The following SYT12 variants were observed in gnomAD, a reference collection of about 807,000 sequenced individuals.
SYT12 encodes synaptotagmin 12.
A neutral mutation model predicts 39.5 loss-of-function variants in SYT12; 27 were observed. The observed-to-expected ratio is 0.68, with a 90% confidence interval of 0.50 to 0.94. The LOEUF (loss-of-function observed/expected upper bound fraction) is 0.94. Ranked by LOEUF, SYT12 falls within the 40% of genes least tolerant of loss-of-function variation. The pLI, the probability that SYT12 is intolerant of heterozygous loss-of-function variation, is 0.00. For missense variants in SYT12, 536 were observed against 572.6 expected (o/e 0.94, Z 0.65); for synonymous variants, 233 against 239.7 (o/e 0.97, Z 0.26).
upstream of SYT12, among the ~76,000 whole-genome samples, chr11:67,021,084 T>G (rs1950105112): frequency 6.6e-6 from 1 of 152,164 alleles, no homozygotes; most frequent in East Asian, 1.9e-4. Flanking sequence ...GGCACAGTCT[T>G]CCATTGTGTC....
At chr11:67,034,581 G>C (rs1950323432) in intron 2 of SYT12, 64 bp from the exon 3 acceptor site, 2 of 1,475,674 alleles carry the variant, frequency 1.4e-6, no homozygotes, top group Non-Finnish European at 1.8e-6. Flanking sequence ...AGTCGGTGCT[G>C]CTCCCCGGGT....
upstream of SYT12, among the ~76,000 whole-genome samples, chr11:67,018,396 G>A (rs1591352342): frequency 6.6e-6 from 1 of 152,082 alleles, no homozygotes; most frequent in Admixed American, 6.5e-5. Flanking sequence ...ATGGTGACAT[G>A]TGCCTGTAGT....
chr11:67,012,996 C>T (rs530888435), intron 3 of SYT12, among the ~76,000 whole-genome samples: 85 of 152,244 alleles, frequency 5.6e-4, no homozygotes, highest in Middle Eastern at 6.8e-3. Flanking sequence ...GGAATCTGCC[C>T]GTCATTCCTG....
intron 3 of SYT12, among the ~76,000 whole-genome samples, chr11:67,017,376 T>C (rs1310271763): frequency 6.6e-6 from 1 of 151,674 alleles, no homozygotes; most frequent in African/African-American, 2.4e-5. Flanking sequence ...TTTTTTTTTT[T>C]TGAGACGGAG....
chr11:67,019,198 C>T (rs893301216), upstream of SYT12, among the ~76,000 whole-genome samples: 4 of 152,068 alleles, frequency 2.6e-5, no homozygotes, highest in East Asian at 5.8e-4. Flanking sequence ...GATCGCTGGG[C>T]GTGGTGACTC....
chr11:67,029,833 C>G (rs1365574710), intron 1 of SYT12: 1 of 331,488 alleles, frequency 3.0e-6, no homozygotes, highest in African/African-American at 2.1e-5. Context: ...GCCTGGGCAA[C>G]AAAGAGAGAC....
intron 7 of SYT12, among the ~76,000 whole-genome samples, chr11:67,047,711 G>A (rs576178231): frequency 6.8e-6 from 1 of 148,136 alleles, no homozygotes; most frequent in Admixed American, 6.7e-5. Flanking sequence ...GGGAGGCTGA[G>A]GTGGGAGGAT....
chr11:67,043,787 G>A lies in SYT12; in HGVS notation c.771G>A (p.Lys257=), dbSNP rs1346668995. Residue 257 remains lysine, a synonymous_variant, in exon 5 of 8, where the codon AAG becomes AAA. Transcript: ENST00000527043. ...RNVSTGVVEL[K]LSVLDLPLQP... Reference sequence around the variant, plus strand: ...TCAGCACGGGGGTGGTGGAGCTGAAGCTTTCTGTGCTTGACCTCCCGCTGC... The same window carrying A: ...TCAGCACGGGGGTGGTGGAGCTGAAACTTTCTGTGCTTGACCTCCCGCTGC... 1.2e-6 allele frequency: 2 copies of A among 1,614,110 alleles called. No homozygotes were observed. The highest frequency in any genetic ancestry group is 3.3e-5 in the Admixed American group (2 of 60,016).
upstream of SYT12, chr11:67,022,942 C>T (rs1208444894): frequency 2.6e-5 from 4 of 152,182 alleles, no homozygotes; most frequent in African/African-American, 7.2e-5. Context: ...AAACTGAGGC[C>T]TAGAAAGAGA....
At chr11:67,041,174 T>G (rs1715209878) in intron 4 of SYT12, among the ~76,000 whole-genome samples, 1 of 151,234 alleles carries the variant, frequency 6.6e-6, no homozygotes, top group Non-Finnish European at 1.5e-5. Context: ...AGACCCTATC[T>G]CAAAAAATAA....
chr11:67,021,239 G>A (rs1950106248), upstream of SYT12, among the ~76,000 whole-genome samples: 1 of 152,042 alleles, frequency 6.6e-6, no homozygotes. Context: ...ACATGAAATT[G>A]ACAAGATCTC....
chr11:67,029,313 C>A (rs1950225395), intron 1 of SYT12: 1 of 152,166 alleles, frequency 6.6e-6, no homozygotes, highest in Non-Finnish European at 1.5e-5. Context: ...CCTTTCCTTC[C>A]CAATCAAAAT....
upstream of SYT12, among the ~76,000 whole-genome samples, chr11:67,019,191 C>T (rs921667782): frequency 1.3e-5 from 2 of 151,832 alleles, no homozygotes; most frequent in African/African-American, 4.8e-5. Flanking sequence ...ACCATCAGAT[C>T]GCTGGGCGTG....
intron 3 of SYT12, among the ~76,000 whole-genome samples, chr11:67,017,531 T>C (rs1021088591): frequency 2.0e-5 from 3 of 151,708 alleles, no homozygotes; most frequent in African/African-American, 7.3e-5. Flanking sequence ...GGCTAATTTT[T>C]CATATTTTCA....
exon 1 of SYT12, chr11:67,006,801 G>C (rs1316744960): frequency 2.0e-5 from 3 of 152,230 alleles, no homozygotes; most frequent in Admixed American, 6.6e-5. Context: ...ATGTTAATTG[G>C]GGGAGCTGTG....
intron 4 of SYT12, among the ~76,000 whole-genome samples, chr11:67,041,353 C>A (rs1032694070): frequency 1.3e-5 from 2 of 151,950 alleles, no homozygotes; most frequent in African/African-American, 4.8e-5. Context: ...CACCTGTAAT[C>A]CCAGCTATTG....
At position 67,048,243 on chromosome 11, in the gene SYT12, C is replaced by T. The variant is rs146405386; in HGVS notation, c.1093-341C>T. Among the ~76,000 whole-genome samples, 482 of 149,932 alleles carry T rather than the reference C, an allele frequency of 3.2e-3. 4 individuals carry two copies. Among genetic ancestry groups the T allele is most frequent in the African/African-American group, 0.011 (465 of 40,736 alleles). On this transcript the variant is annotated intron_variant, in intron 7 of 7. Coordinates refer to ENST00000527043, the MANE Select transcript of SYT12 (RefSeq NM_177963.4). ...CTGAGATCATGCCCCTGTACTCCAG[C>T]CTGGGTAACAGAGTGAGACTGTCTC... is the stretch of plus-strand genomic sequence containing the variant.
In SYT12 at chr11:67,039,952, C is replaced by G; in HGVS notation, c.370C>G (p.Pro124Ala). 1 of 1,613,716 alleles carries G rather than the reference C, an allele frequency of 6.2e-7. No individual in the cohort carries two copies. The highest frequency in any genetic ancestry group is 8.5e-7 in the Non-Finnish European group (1 of 1,180,030). ...GATGGGCCGGGAGTTGGACCTGGCC[C>G]CCTATGGGACCCTCCGGAAGTCCCA... Reference protein sequence around the residue: ...ELMGRELDLAPYGTLRKSQSA... With the variant: ...ELMGRELDLAAYGTLRKSQSA... The change falls in exon 4 of 8, where the codon CCC (proline) becomes GCC (alanine). Residue 124 changes from proline to alanine, a missense_variant. Coordinates refer to ENST00000527043, the MANE Select transcript of SYT12 (RefSeq NM_177963.4).
chr11:67,013,178 C>T (rs1950025996), intron 3 of SYT12, among the ~76,000 whole-genome samples: 1 of 152,194 alleles, frequency 6.6e-6, no homozygotes, highest in African/African-American at 2.4e-5. Context: ...GCAAAGGGGT[C>T]TTCAGGGACC....
Sources: allele counts gnomAD v4.1 joint callset (sites outside exome capture counted in the v4.1 genomes callset), GRCh38; gene constraint gnomAD v4.1.1; transcripts MANE v1.5; gene names NCBI Gene and HGNC (gene_info 2026-07-23, HGNC 2026-07-21).